PM20D2: variants seen among roughly 807,000 people sequenced by gnomAD.
PM20D2 encodes the protein peptidase M20 domain containing 2.
In PM20D2, 33 loss-of-function variants were observed where a neutral mutation model predicts 42.9. That is an observed-to-expected ratio of 0.77 (90% CI 0.58 to 1.03). The LOEUF (loss-of-function observed/expected upper bound fraction) is 1.03, where lower values mean the gene tolerates loss of function less well. PM20D2 is among the 50% of genes least tolerant of loss of function. The pLI, the probability that PM20D2 is intolerant of heterozygous loss-of-function variation, is 0.00. For synonymous variants in PM20D2, 250 were observed against 228.2 expected (o/e 1.10, Z -0.86); for missense variants, 548 against 557.0 (o/e 0.98, Z 0.16).
At chr6:89,117,998 A>AC in the PM20D2 span, 13 of 1,191,266 alleles carry the variant, frequency 1.1e-5, no homozygotes, top group Middle Eastern at 5.2e-4. Context: ...CGCGACCCCC[A>AC]CCCCTCGGCC....
chr6:89,116,151 T>TA, the PM20D2 span, among the ~76,000 whole-genome samples: 3 of 152,212 alleles, frequency 2.0e-5, no homozygotes, highest in Non-Finnish European at 4.4e-5. Context: ...TTCTATTTGA[T>TA]AGTCCACACC....
the PM20D2 span, among the ~76,000 whole-genome samples, chr6:89,115,047 C>T: frequency 1.2e-4 from 18 of 152,174 alleles, no homozygotes; most frequent in East Asian, 3.3e-3. Flanking sequence ...CTGCCCACCT[C>T]GGCCTCCCAA....
chr6:89,124,302 C>CATCAGTGTAACATATAAA, the PM20D2 span, among the ~76,000 whole-genome samples: 1 of 152,196 alleles, frequency 6.6e-6, no homozygotes, highest in Non-Finnish European at 1.5e-5. Context: ...TTTTAACTCT[C>CATCAGTGTAACATATAAA]ACACTATGCA....
chr6:89,142,327 G>C (rs1166043315), upstream of PM20D2, among the ~76,000 whole-genome samples: 1 of 152,118 alleles, frequency 6.6e-6, no homozygotes, highest in Non-Finnish European at 1.5e-5. Flanking sequence ...GAAGTTTCTG[G>C]AGTTAACCAA....
the PM20D2 span, among the ~76,000 whole-genome samples, chr6:89,115,549 T>C: frequency 6.6e-6 from 1 of 152,096 alleles, no homozygotes; most frequent in Non-Finnish European, 1.5e-5. Flanking sequence ...CCTAAAGTGC[T>C]GGGATTACAG....
chr6:89,113,509 A>G, the PM20D2 span, among the ~76,000 whole-genome samples: 1 of 151,760 alleles, frequency 6.6e-6, no homozygotes, highest in Non-Finnish European at 1.5e-5. Context: ...GAGCTTCACT[A>G]TGTTAGCCAG....
At chr6:89,124,926 G>C in the PM20D2 span, among the ~76,000 whole-genome samples, 2 of 151,624 alleles carry the variant, frequency 1.3e-5, no homozygotes, top group African/African-American at 2.4e-5. Flanking sequence ...TATAGAGGTA[G>C]GTCTTGCTAT....
the PM20D2 span, among the ~76,000 whole-genome samples, chr6:89,124,733 G>GT: frequency 2.4e-4 from 19 of 79,606 alleles, no homozygotes; most frequent in East Asian, 1.3e-3. Context: ...TGTTGCTGTT[G>GT]TTGTTTTTTT....
At chr6:89,098,505 A>G in the PM20D2 span, 1 of 1,494,598 alleles carries the variant, frequency 6.7e-7, no homozygotes, top group Admixed American at 2.3e-5. Context: ...TATGCCTTAA[A>G]GAATTTTTAT....
the PM20D2 span, among the ~76,000 whole-genome samples, chr6:89,123,602 G>T: frequency 6.6e-6 from 1 of 150,952 alleles, no homozygotes; most frequent in Non-Finnish European, 1.5e-5. Flanking sequence ...TGTGCCTGTA[G>T]TCCCAGCTAC....
At chr6:89,146,878 C>G (rs1006018986) in intron 1 of PM20D2, among the ~76,000 whole-genome samples, 2 of 152,228 alleles carry the variant, frequency 1.3e-5, no homozygotes, top group Admixed American at 6.5e-5. Flanking sequence ...CTGAGTTGTT[C>G]CCTTAGGAAA....
chr6:89,156,684 G>GA lies in PM20D2; in HGVS notation c.913-1640dup, dbSNP rs1433924413. Among the ~76,000 whole-genome samples, 3 of 152,164 alleles carry GA rather than the reference G, an allele frequency of 2.0e-5. No individual in the cohort carries two copies. In the South Asian group the frequency reaches 6.2e-4, roughly 32 times the overall value. ...AACCTTGGAGGAAGGTTTTGTGGAA[G>GA]ACTGTAGACCTGAACTGAGCTTTGA... On this transcript the variant is annotated intron_variant, in intron 4 of 6. Coordinates refer to ENST00000275072, the MANE Select transcript of PM20D2 (RefSeq NM_001010853.3).
At chr6:89,155,826 C>T (rs1771029234) in intron 4 of PM20D2, among the ~76,000 whole-genome samples, 2 of 152,002 alleles carry the variant, frequency 1.3e-5, no homozygotes, top group African/African-American at 4.8e-5. Context: ...ATTCTTATGC[C>T]TCAGCCTTCC....
intron 3 of PM20D2, among the ~76,000 whole-genome samples, chr6:89,153,940 A>G: frequency 6.6e-6 from 1 of 152,176 alleles, no homozygotes. Context: ...ATATATCACC[A>G]TAATATAAAT....
intron 1 of PM20D2, among the ~76,000 whole-genome samples, chr6:89,147,687 G>A (rs1429103393): frequency 6.6e-6 from 1 of 151,116 alleles, no homozygotes; most frequent in Non-Finnish European, 1.5e-5. Flanking sequence ...TTCGAGACCC[G>A]CCTGGCCAAC....
chr6:89,156,075 G>A (rs1018616095), intron 4 of PM20D2, among the ~76,000 whole-genome samples: 1 of 151,822 alleles, frequency 6.6e-6, no homozygotes, highest in Non-Finnish European at 1.5e-5. Context: ...TAGTAGAGAC[G>A]AGGTTTCATC....
the PM20D2 span, among the ~76,000 whole-genome samples, chr6:89,121,415 T>G: frequency 6.6e-6 from 1 of 152,182 alleles, no homozygotes; most frequent in African/African-American, 2.4e-5. Context: ...CTTGCCCTGG[T>G]CCTTAAACCA....
the PM20D2 span, chr6:89,106,784 C>T: frequency 2.8e-6 from 1 of 355,136 alleles, no homozygotes; most frequent in Non-Finnish European, 5.5e-6. Flanking sequence ...GGCTTTGACT[C>T]TGGAACTCTG....
chr6:89,127,837 G>A, the PM20D2 span, among the ~76,000 whole-genome samples: 2 of 152,204 alleles, frequency 1.3e-5, no homozygotes, highest in Non-Finnish European at 2.9e-5. Flanking sequence ...GGCTGGAGCC[G>A]CAGCAGAGGA....
Sources: gnomAD v4.1 joint callset for allele counts (sites outside exome capture counted in the v4.1 genomes callset) on GRCh38, gnomAD v4.1.1 for gene constraint, MANE v1.5 for transcripts, NCBI Gene and HGNC (gene_info 2026-07-23, HGNC 2026-07-21) for gene names.